The following OSBPL1A variants were observed in gnomAD, a reference collection of about 807,000 sequenced individuals.
The protein encoded by OSBPL1A is oxysterol binding protein like 1A.
A neutral mutation model predicts 137.1 loss-of-function variants in OSBPL1A; 80 were observed. The observed-to-expected ratio is 0.58, with a 90% CI of 0.49 to 0.70. The LOEUF is 0.70. Among genes scored for constraint, OSBPL1A ranks in the 30% least tolerant of loss-of-function variants. OSBPL1A has a pLI of 0.00. For missense variants in OSBPL1A, 970 were observed against 1,129.4 expected (o/e 0.86, Z 2.02); for synonymous variants, 365 against 389.7 (o/e 0.94, Z 0.75).
At chr18:24,391,708 C>A (rs901690597) in intron 1 of OSBPL1A, among the ~76,000 whole-genome samples, 1 of 151,836 alleles carries the variant, frequency 6.6e-6, no homozygotes, top group Admixed American at 6.6e-5. Flanking sequence ...CAGCTCTGGG[C>A]CACAGAATGA....
At chr18:24,346,116 C>A (rs7242766) in intron 4 of OSBPL1A, among the ~76,000 whole-genome samples, 1,939 of 152,214 alleles carry the variant, frequency 0.013, 41 homozygotes, top group African/African-American at 0.043. Flanking sequence ...CAGCAGCACA[C>A]GGGTGAGGGC....
At position 24,181,086 on chromosome 18, in the gene OSBPL1A, G is replaced by A. The variant is rs770686138; in HGVS notation, c.1812+59C>T. On this transcript the variant is annotated intron_variant, in intron 19 of 27. Transcript: ENST00000319481. ...TAATTGTGTGAACGTGTGTGTGTTC[G>A]GGGCTGGGTTGGTAGCAAGGTCTCT... is the stretch of plus-strand genomic sequence containing the variant. 1.9e-4 allele frequency: 304 copies of A among 1,559,550 alleles called. 1 individual carries two copies. The highest frequency in any genetic ancestry group is 3.7e-4 in the Admixed American group (19 of 51,580).
rs146048958 is a variant in OSBPL1A at position 24,265,347 on chromosome 18, G to C, written c.1281+15495C>G. 6.1e-3 allele frequency among the ~76,000 whole-genome samples: 928 copies of C among 152,250 alleles called. 9 individuals are homozygous for C. Among genetic ancestry groups the C allele is most frequent in the African/African-American group, 0.021 (853 of 41,540 alleles). The stretch of plus-strand genomic sequence containing the variant: ...ATATAAAAATTAACCAGCCATGGTG[G>C]CATGCGCCTGTAGTCCCAGCTACTT... On this transcript the variant is annotated intron_variant, in intron 15 of 27. Coordinates refer to ENST00000319481, the MANE Select transcript of OSBPL1A (RefSeq NM_080597.4).
chr18:24,305,478 G>T (rs1234580245), intron 13 of OSBPL1A, among the ~76,000 whole-genome samples: 1 of 152,114 alleles, frequency 6.6e-6, no homozygotes, highest in Non-Finnish European at 1.5e-5. Context: ...GATACTAAAA[G>T]ATACTAAAAA....
At chr18:24,325,940 G>C (rs748020390) in intron 7 of OSBPL1A, among the ~76,000 whole-genome samples, 2 of 151,322 alleles carry the variant, frequency 1.3e-5, no homozygotes, top group African/African-American at 4.9e-5. Context: ...TTTTTTTTCA[G>C]ACATGGAGTC....
intron 7 of OSBPL1A, among the ~76,000 whole-genome samples, chr18:24,321,058 AT>A (rs1364415692): frequency 8.8e-5 from 13 of 147,292 alleles, no homozygotes; most frequent in African/African-American, 3.5e-4. Context: ...AAAGAAAAGA[AT>A]AATAATAATA....
In OSBPL1A at chr18:24,380,061, C is replaced by G. The variant is rs75749933; in HGVS notation, c.-2-2526G>C. On this transcript the variant is annotated intron_variant, in intron 1 of 27. Transcript: ENST00000319481. The stretch of plus-strand genomic sequence containing the variant: ...AGGAATCAGAATGATTTTGACTTCT[C>G]TATCACAACATAAGCATCCAAAAGA... Among the ~76,000 whole-genome samples the G allele has an allele frequency of 2.9e-3, 445 of 152,300 alleles. 2 individuals carry two copies. The highest frequency in any genetic ancestry group is 0.01 in the African/African-American group (416 of 41,558).
rs547702608 is a variant in OSBPL1A at position 24,385,249 on chromosome 18, C to G, written c.-2-7714G>C. On this transcript the variant is annotated intron_variant, in intron 1 of 27. Coordinates refer to ENST00000319481, the MANE Select transcript of OSBPL1A (RefSeq NM_080597.4). ...GATTACAGGCATGAGCCACCGCACC[C>G]GGCCTGTAGGTTAGAATTTAAATAC... is the stretch of plus-strand genomic sequence containing the variant. 9.9e-3 allele frequency among the ~76,000 whole-genome samples: 1,509 copies of G among 152,208 alleles called. 10 individuals are homozygous for G. The highest frequency in any genetic ancestry group is 0.015 in the Non-Finnish European group (1,013 of 68,014).
intron 18 of OSBPL1A, among the ~76,000 whole-genome samples, chr18:24,192,817 AT>A (rs146886485): frequency 1.2e-3 from 180 of 152,328 alleles, no homozygotes; most frequent in African/African-American, 4.2e-3. Context: ...GAAAAGCCAC[AT>A]ATTTTGAATA....
chr18:24,187,227 G>C (rs2086773890), intron 18 of OSBPL1A, among the ~76,000 whole-genome samples: 1 of 152,074 alleles, frequency 6.6e-6, no homozygotes, highest in African/African-American at 2.4e-5. Context: ...TGGTTGCCGG[G>C]CTGATGAAGG....
intron 6 of OSBPL1A, among the ~76,000 whole-genome samples, 178 bp from the exon 7 acceptor site, chr18:24,333,264 A>G (rs1254298757): frequency 6.6e-6 from 1 of 152,172 alleles, no homozygotes. Flanking sequence ...GCTTATTCTC[A>G]GATGCCCTGA....
At chr18:24,272,369 C>G in intron 15 of OSBPL1A, 1 of 852,212 alleles carries the variant, frequency 1.2e-6, no homozygotes, top group South Asian at 5.4e-5. Flanking sequence ...TTCGCGTTTA[C>G]GGTTCCAAAA....
chr18:24,196,154 A>T lies in OSBPL1A; in HGVS notation c.1648T>A (p.Trp550Arg). ...CCAATACATTTTCTGAGGATGCTCC[A>T]GATACTGAAGTCATTTCTGGAAAAC... is the stretch of plus-strand genomic sequence containing the variant. ...PMFSRNDFSI[W>R]SILRKCIGME... The change falls in exon 18 of 28, where the codon TGG (tryptophan) becomes AGG (arginine). Residue 550 changes from tryptophan (W) to arginine (R), a missense_variant. By Grantham distance (101) the Trp-to-Arg change is moderately radical. Around this residue, in one of 2 missense-constraint regions of OSBPL1A, gnomAD observed 647 missense variants for 672.6 expected, o/e 0.96. Coordinates refer to ENST00000319481, the MANE Select transcript of OSBPL1A (RefSeq NM_080597.4). 6.2e-7 allele frequency: 1 copy of T among 1,611,720 alleles called. No individual in the cohort carries two copies. The highest frequency in any genetic ancestry group is 1.7e-4 in the Middle Eastern group (1 of 6,056).
intron 23 of OSBPL1A, 53 bp downstream of exon 23, chr18:24,171,356 T>C (rs2086281482): frequency 7.3e-7 from 1 of 1,378,176 alleles, no homozygotes; most frequent in Admixed American, 1.8e-5. Flanking sequence ...ATACCGACAT[T>C]TTATCTAGTG....
At chr18:24,369,021 G>C (rs139560099) in intron 2 of OSBPL1A, among the ~76,000 whole-genome samples, 19 of 152,292 alleles carry the variant, frequency 1.2e-4, no homozygotes, top group Non-Finnish European at 2.2e-4. Context: ...AGGCCTCCCT[G>C]TCAAGCTTCC....
intron 18 of OSBPL1A, among the ~76,000 whole-genome samples, chr18:24,185,849 T>C (rs1003571840): frequency 2.0e-5 from 3 of 152,124 alleles, no homozygotes; most frequent in Non-Finnish European, 4.4e-5. Flanking sequence ...GGCACGAGGA[T>C]CACTTGAGCC....
rs1480637788 is a variant in OSBPL1A, at chr18:24,316,990, CACG to C, written c.870+156_870+158del. 2.0e-5 allele frequency among the ~76,000 whole-genome samples: 3 copies of C among 151,946 alleles called. No individual in the cohort carries two copies. The South Asian group carries it at 6.2e-4, about 32-fold the overall frequency. On this transcript the variant is annotated intron_variant, in intron 11 of 27. Coordinates refer to ENST00000319481, the MANE Select transcript of OSBPL1A (RefSeq NM_080597.4). The stretch of plus-strand genomic sequence containing the variant: ...AAAATTTTGTTCAAAATGGAGATGC[CACG>C]ACTTTACTTGTTATCAAATTAAAAT...
intron 17 of OSBPL1A, among the ~76,000 whole-genome samples, chr18:24,207,166 C>A (rs2087398109): frequency 6.6e-6 from 1 of 152,210 alleles, no homozygotes; most frequent in African/African-American, 2.4e-5. Context: ...TCATGGCAAC[C>A]TCCGCCTCCC....
intron 11 of OSBPL1A, among the ~76,000 whole-genome samples, chr18:24,314,896 G>T (rs1163137159): frequency 1.3e-5 from 2 of 152,168 alleles, no homozygotes; most frequent in African/African-American, 4.8e-5. Context: ...CGATGACCTT[G>T]AGCAGTAGGA....
Sources: allele counts gnomAD v4.1 joint callset (sites outside exome capture counted in the v4.1 genomes callset), GRCh38; gene constraint gnomAD v4.1.1; regional missense constraint gnomAD v4.1.1; transcripts MANE v1.5; gene names NCBI Gene and HGNC (gene_info 2026-07-23, HGNC 2026-07-21).